SBF2: variants seen among roughly 807,000 people sequenced by gnomAD.
The protein encoded by SBF2 is myotubularin-related protein 13.
SBF2 carries 112 observed loss-of-function variants against 225.2 expected under a neutral mutation model. The observed-to-expected ratio is 0.50, with a 90% CI of 0.43 to 0.58. SBF2 has a LOEUF of 0.58. Among genes scored for constraint, SBF2 ranks in the 20% least tolerant of loss-of-function variants. The pLI, the probability that SBF2 is intolerant of heterozygous loss-of-function variation, is 0.00. For synonymous variants in SBF2, 763 were observed against 773.3 expected (o/e 0.99, Z 0.22); for missense variants, 1,996 against 2,206.2 (o/e 0.90, Z 1.91).
intron 2 of SBF2, among the ~76,000 whole-genome samples, chr11:10,113,962 C>T (rs1160543988): frequency 6.6e-6 from 1 of 151,474 alleles, no homozygotes; most frequent in African/African-American, 2.4e-5. Flanking sequence ...TTTTAAAAAT[C>T]TCAACAGGTA....
At chr11:9,910,121 A>C (rs994627653) in intron 16 of SBF2, among the ~76,000 whole-genome samples, 1 of 152,184 alleles carries the variant, frequency 6.6e-6, no homozygotes, top group Non-Finnish European at 1.5e-5. Flanking sequence ...CGAGAAAAAG[A>C]CTAATAAATT....
At chr11:10,067,001 G>C (rs145285082) in intron 2 of SBF2, among the ~76,000 whole-genome samples, 7 of 152,162 alleles carry the variant, frequency 4.6e-5, no homozygotes, top group African/African-American at 1.7e-4. Context: ...AACTAGGCTA[G>C]GTATGGTGGC....
intron 2 of SBF2, among the ~76,000 whole-genome samples, chr11:10,176,549 AATACT>A (rs1207909095): frequency 2.6e-5 from 4 of 152,098 alleles, no homozygotes; most frequent in African/African-American, 7.2e-5. Context: ...ACCATCAGAG[AATACT>A]ACAAACACCT....
chr11:9,834,050 T>G (rs1855585106), intron 26 of SBF2, among the ~76,000 whole-genome samples: 1 of 151,656 alleles, frequency 6.6e-6, no homozygotes, highest in African/African-American at 2.4e-5. Context: ...AGTACAGGCG[T>G]GAGCCACTGC....
rs1851905159 is a variant in SBF2 at position 9,779,865 on chromosome 11, C to T, written c.*553G>A. On this transcript the variant is annotated 3_prime_UTR_variant, in exon 40 of 40. Coordinates refer to ENST00000256190, the MANE Select transcript of SBF2 (RefSeq NM_030962.4). ...TGCCTGCTACTGAACAATGACGTCT[C>T]TTGTTGTGAACCCCACTGGCAGAGC... The T allele has an allele frequency of 5.3e-6, 1 of 186,968 alleles. No homozygotes were observed. Among genetic ancestry groups the T allele is most frequent in the Non-Finnish European group, 1.2e-5 (1 of 86,938 alleles). 11.6% of individuals were successfully genotyped at this position (186,968 alleles called of 1,614,324 possible).
At chr11:9,829,806 G>T in intron 27 of SBF2, 1 of 353,614 alleles carries the variant, frequency 2.8e-6, no homozygotes, top group Non-Finnish European at 5.4e-6. Context: ...GAAAGCACAG[G>T]GCATAGCTTC....
intron 2 of SBF2, among the ~76,000 whole-genome samples, chr11:10,166,353 T>C (rs1190589685): frequency 6.6e-6 from 1 of 152,186 alleles, no homozygotes; most frequent in East Asian, 1.9e-4. Context: ...TACTCTATTA[T>C]AGAAAGGACT....
chr11:9,883,082 C>A (rs753121738), intron 17 of SBF2, among the ~76,000 whole-genome samples: 1 of 151,650 alleles, frequency 6.6e-6, no homozygotes, highest in African/African-American at 2.4e-5. Flanking sequence ...TGCAGTGAGC[C>A]GAGATTATGC....
intron 3 of SBF2, among the ~76,000 whole-genome samples, chr11:10,035,423 T>A (rs1020908561): frequency 6.6e-6 from 1 of 152,092 alleles, no homozygotes; most frequent in Non-Finnish European, 1.5e-5. Context: ...TGGGATCTAA[T>A]TAAACTAAAG....
chr11:10,007,056 G>T (rs909029971), intron 6 of SBF2, among the ~76,000 whole-genome samples: 7 of 152,062 alleles, frequency 4.6e-5, no homozygotes, highest in African/African-American at 1.7e-4. Context: ...AGAGATGAAG[G>T]CAAGGTTAAG....
At chr11:10,233,232 G>A (rs774461930) in intron 1 of SBF2, among the ~76,000 whole-genome samples, 11 of 151,978 alleles carry the variant, frequency 7.2e-5, no homozygotes, top group Non-Finnish European at 1.2e-4. Context: ...TTACAAAGTA[G>A]TTATCTTGTC....
intron 1 of SBF2, among the ~76,000 whole-genome samples, chr11:10,234,651 T>C (rs1958989397): frequency 6.6e-6 from 1 of 152,216 alleles, no homozygotes; most frequent in Non-Finnish European, 1.5e-5. Flanking sequence ...GTGTTACATC[T>C]ACCCTATCAA....
At chr11:9,826,704 G>A (rs879761229) in intron 28 of SBF2, among the ~76,000 whole-genome samples, 2 of 143,512 alleles carry the variant, frequency 1.4e-5, no homozygotes, top group Non-Finnish European at 3.1e-5. Flanking sequence ...CTTACTTAGT[G>A]TGTGGTGTGT....
At chr11:10,043,124 T>G in intron 2 of SBF2, 143 bp from the exon 3 acceptor site, 1 of 771,556 alleles carries the variant, frequency 1.3e-6, no homozygotes, top group Non-Finnish European at 2.1e-6. Context: ...TAAAAAAAAG[T>G]TAATGTACAG....
At chr11:10,221,156 T>C (rs1017718872) in intron 1 of SBF2, among the ~76,000 whole-genome samples, 3 of 151,836 alleles carry the variant, frequency 2.0e-5, no homozygotes, top group Admixed American at 6.6e-5. Context: ...CTCGCTCTGT[T>C]GCCCAGGCTG....
intron 33 of SBF2, among the ~76,000 whole-genome samples, chr11:9,795,131 G>A (rs1400219380): frequency 1.3e-5 from 2 of 152,108 alleles, no homozygotes; most frequent in African/African-American, 4.8e-5. Context: ...ATTCCCTTGG[G>A]AAATGTTTTT....
chr11:10,294,642 T>C (rs945689678), upstream of SBF2, among the ~76,000 whole-genome samples: 1 of 152,208 alleles, frequency 6.6e-6, no homozygotes, highest in Non-Finnish European at 1.5e-5. Flanking sequence ...TGCTGCACGT[T>C]TCCTGTTTAT....
intron 17 of SBF2, among the ~76,000 whole-genome samples, chr11:9,876,698 ATATGGCAGCC>A (rs1208656760): frequency 3.9e-5 from 6 of 152,204 alleles, no homozygotes; most frequent in African/African-American, 1.4e-4. Context: ...TGGTATTTCG[ATATGGCAGCC>A]TAAGCAGACT....
At chr11:9,944,022 A>G (rs1565040533) in intron 16 of SBF2, among the ~76,000 whole-genome samples, 1 of 152,224 alleles carries the variant, frequency 6.6e-6, no homozygotes, top group Non-Finnish European at 1.5e-5. Flanking sequence ...CTTAAACATC[A>G]GTGAAAATAA....
Sources: allele counts gnomAD v4.1 joint callset (sites outside exome capture counted in the v4.1 genomes callset), GRCh38; gene constraint gnomAD v4.1.1; transcripts MANE v1.5; gene names NCBI Gene and HGNC (gene_info 2026-07-23, HGNC 2026-07-21).